Variants in SPOCK3 observed in about 807,000 individuals in gnomAD.
SPOCK3 encodes the protein SPARC (osteonectin), cwcv and kazal like domains proteoglycan 3.
In SPOCK3, 30 loss-of-function variants were observed where a neutral mutation model predicts 56.6. The observed-to-expected ratio is 0.53, with a 90% CI of 0.40 to 0.72. The LOEUF (loss-of-function observed/expected upper bound fraction) is 0.72, where lower values mean the gene tolerates loss of function less well. Among genes scored for constraint, SPOCK3 ranks in the 30% least tolerant of loss-of-function variants. The probability of loss-of-function intolerance (pLI) is 0.00; values close to 1 mark genes in which losing one functional copy is unlikely to be tolerated. For synonymous variants in SPOCK3, 196 were observed against 183.3 expected, an observed-to-expected ratio of 1.07 and a Z score of -0.56; for missense variants, 527 against 530.0, an observed-to-expected ratio of 0.99 and a Z score of 0.06.
At chr4:166,989,677 A>T (rs746300471) in intron 4 of SPOCK3, among the ~76,000 whole-genome samples, 19 of 152,134 alleles carry the variant, frequency 1.2e-4, no homozygotes, top group Non-Finnish European at 1.8e-4. Flanking sequence ...AATTACTAAG[A>T]TCCCATCACA....
chr4:166,743,155 C>T (rs892081582), intron 8 of SPOCK3, among the ~76,000 whole-genome samples: 2 of 151,916 alleles, frequency 1.3e-5, no homozygotes, highest in Admixed American at 6.6e-5. Flanking sequence ...CAGTTTAGTG[C>T]ATTTTATATT....
At chr4:167,104,894 CTT>C (rs1345134980) in intron 2 of SPOCK3, among the ~76,000 whole-genome samples, 2 of 150,406 alleles carry the variant, frequency 1.3e-5, no homozygotes, top group Admixed American at 1.3e-4. Context: ...TGGCAGCAGA[CTT>C]TTCACTGGAA....
At chr4:166,924,747 T>C (rs924185231) in intron 4 of SPOCK3, among the ~76,000 whole-genome samples, 1 of 152,182 alleles carries the variant, frequency 6.6e-6, no homozygotes, top group East Asian at 1.9e-4. Context: ...TGGACTCCCA[T>C]GGTTAAATTA....
intron 2 of SPOCK3, among the ~76,000 whole-genome samples, chr4:167,170,512 A>G (rs1730412195): frequency 6.6e-6 from 1 of 152,154 alleles, no homozygotes; most frequent in Non-Finnish European, 1.5e-5. Context: ...TAGATACTTT[A>G]CTTGTATTAA....
intron 7 of SPOCK3, among the ~76,000 whole-genome samples, chr4:166,761,509 TG>T (rs1737234162): frequency 1.4e-4 from 1 of 7,256 alleles, no homozygotes; most frequent in Non-Finnish European, 2.5e-4. Flanking sequence ...TGTCCAACAA[TG>T]ATAGACTGGA....
At chr4:167,217,379 T>A (rs1735470272) in intron 2 of SPOCK3, among the ~76,000 whole-genome samples, 1 of 151,892 alleles carries the variant, frequency 6.6e-6, no homozygotes. Flanking sequence ...TTTCTTGGTA[T>A]TTTTTCCTAA....
intron 3 of SPOCK3, among the ~76,000 whole-genome samples, chr4:167,057,637 C>T (rs1456875564): frequency 6.6e-6 from 1 of 151,952 alleles, no homozygotes; most frequent in Non-Finnish European, 1.5e-5. Context: ...GGTTGCAATC[C>T]TAGTCTCTGA....
At chr4:166,938,246 G>A (rs1022643705) in intron 4 of SPOCK3, among the ~76,000 whole-genome samples, 1 of 152,144 alleles carries the variant, frequency 6.6e-6, no homozygotes, top group Non-Finnish European at 1.5e-5. Flanking sequence ...AAAAGTGGAA[G>A]GCAGAGAAAA....
chr4:167,125,187 G>C (rs1017379801), intron 2 of SPOCK3, among the ~76,000 whole-genome samples: 1 of 137,074 alleles, frequency 7.3e-6, no homozygotes, highest in Admixed American at 7.5e-5. Context: ...TGAGCACAGA[G>C]ATTTTTTATT....
intron 2 of SPOCK3, among the ~76,000 whole-genome samples, chr4:167,224,669 GT>G (rs546711435): frequency 2.0e-5 from 3 of 151,084 alleles, no homozygotes; most frequent in Non-Finnish European, 3.0e-5. Context: ...AAACTTTGTT[GT>G]TTTTTTTTAA....
Position 167,000,340 on chromosome 4 carries a change from A to T in SPOCK3, c.350+9T>A. The T allele has an allele frequency of 7.1e-7, 1 of 1,401,308 alleles. No individual in the cohort carries two copies. The highest frequency in any genetic ancestry group is 9.9e-7 in the Non-Finnish European group (1 of 1,009,308). 86.8% of individuals were successfully genotyped at this position (1,401,308 alleles called of 1,614,324 possible). ...TTCAATCAGTGGGATTAAATTTAAC[A>T]ATGTTTACCTGTGTGTAAGCCTCCG... On this transcript the variant is annotated intron_variant, in intron 4 of 10. Transcript: ENST00000357545.
At chr4:167,105,838 T>A (rs1760087004) in intron 2 of SPOCK3, among the ~76,000 whole-genome samples, 1 of 151,146 alleles carries the variant, frequency 6.6e-6, no homozygotes, top group African/African-American at 2.4e-5. Context: ...AGAGCAGGAG[T>A]AGTTATATAA....
intron 6 of SPOCK3, among the ~76,000 whole-genome samples, chr4:166,873,550 G>A (rs1415084939): frequency 6.6e-6 from 1 of 152,058 alleles, no homozygotes; most frequent in African/African-American, 2.4e-5. Context: ...CTATATTGTT[G>A]TGAACATAAA....
At chr4:167,156,663 C>T (rs760727629) in intron 2 of SPOCK3, among the ~76,000 whole-genome samples, 45 of 152,210 alleles carry the variant, frequency 3.0e-4, no homozygotes, top group South Asian at 1.0e-3. Flanking sequence ...AATTCTGTAA[C>T]TTACTGATGT....
intron 2 of SPOCK3, among the ~76,000 whole-genome samples, chr4:167,160,301 A>C (rs1388312684): frequency 6.6e-6 from 1 of 152,204 alleles, no homozygotes; most frequent in East Asian, 1.9e-4. Context: ...ATTGCTTCAA[A>C]GAGAAGAAAA....
At chr4:166,855,255 G>T (rs1730529585) in intron 6 of SPOCK3, among the ~76,000 whole-genome samples, 1 of 151,864 alleles carries the variant, frequency 6.6e-6, no homozygotes, top group African/African-American at 2.4e-5. Flanking sequence ...ATTTCATTGA[G>T]AAATGCAACA....
At chr4:166,996,907 A>C (rs2150121830) in intron 4 of SPOCK3, among the ~76,000 whole-genome samples, 1 of 152,288 alleles carries the variant, frequency 6.6e-6, no homozygotes, top group Admixed American at 6.5e-5. Flanking sequence ...TATTTCAATT[A>C]TTTACAAATC....
intron 4 of SPOCK3, among the ~76,000 whole-genome samples, chr4:166,920,685 C>T (rs771068763): frequency 7.2e-5 from 11 of 151,800 alleles, no homozygotes; most frequent in Non-Finnish European, 1.6e-4. Context: ...CAGCTTAAAG[C>T]GAGAAAAATA....
At chr4:166,797,131 T>C (rs1212752803) in intron 6 of SPOCK3, among the ~76,000 whole-genome samples, 2 of 152,118 alleles carry the variant, frequency 1.3e-5, no homozygotes, top group East Asian at 1.9e-4. Context: ...GTACAGATAA[T>C]CATATATTCT....
Sources: allele counts gnomAD v4.1 joint callset (sites outside exome capture counted in the v4.1 genomes callset), GRCh38; gene constraint gnomAD v4.1.1; transcripts MANE v1.5; gene names NCBI Gene and HGNC (gene_info 2026-07-23, HGNC 2026-07-21).